Variants in DRC1 observed in about 807,000 individuals in gnomAD.
DRC1 encodes dynein regulatory complex subunit 1, also known as dynein regulatory complex protein 1.
A neutral mutation model predicts 98.7 loss-of-function variants in DRC1; 74 were observed. The ratio of observed to expected loss-of-function variants is 0.75; its 90% CI spans 0.62 to 0.91. DRC1 has a LOEUF of 0.91. Among genes scored for constraint, DRC1 ranks in the 40% least tolerant of loss-of-function variants. The pLI is 0.00. For synonymous variants in DRC1, 336 were observed against 334.1 expected (o/e 1.01, Z -0.06); for missense variants, 875 against 886.0 (o/e 0.99, Z 0.16).
Position 26,456,634 on chromosome 2 carries a change from T to G in DRC1, c.*117T>G. 8.2e-7 allele frequency: 1 copy of G among 1,225,814 alleles called. No individual in the cohort carries two copies. 75.9% of individuals were successfully genotyped at this position (1,225,814 alleles called of 1,614,324 possible). On this transcript the variant is annotated 3_prime_UTR_variant, in exon 17 of 17. Coordinates refer to ENST00000288710, the MANE Select transcript of DRC1 (RefSeq NM_145038.5). ...GCCTGCTCTCTGGATTTTCCAGGGC[T>G]GTCTTTATAGCCTGTCGAAATAAGG... is the stretch of plus-strand genomic sequence containing the variant.
rs192711650 is a variant in DRC1 at position 26,424,011 on chromosome 2, C to T, written c.357-260C>T. ...ATCTTGGTGTGTGTGCGTGTGCACG[C>T]GTGTGTATGTGTGTGTGTGTGTAGC... On this transcript the variant is annotated intron_variant, in intron 3 of 16. Coordinates refer to ENST00000288710, the MANE Select transcript of DRC1 (RefSeq NM_145038.5). Among the ~76,000 whole-genome samples the T allele has an allele frequency of 0.015, 2,207 of 152,036 alleles. 47 individuals are homozygous for T. The highest frequency in any genetic ancestry group is 0.048 in the African/African-American group (1,995 of 41,486).
intron 6 of DRC1, among the ~76,000 whole-genome samples, chr2:26,431,328 G>A (rs1287624108): frequency 2.6e-5 from 4 of 152,288 alleles, no homozygotes; most frequent in South Asian, 4.1e-4. Context: ...TAGCTAATCC[G>A]TGTGGCCTTG....
In DRC1 at chr2:26,450,629, T is replaced by C; in HGVS notation, c.1637T>C (p.Leu546Pro). 6.2e-7 allele frequency: 1 copy of C among 1,612,082 alleles called. No homozygotes were observed. Among genetic ancestry groups the C allele is most frequent in the Non-Finnish European group, 8.5e-7 (1 of 1,179,050 alleles). ...GIESEDDLYK[L>P]VNFFLKYRAH... ...GAAAGTGAGGATGACTTGTATAAAC[T>C]GGTGAACTTCTTCCTTAAATATCGA... The change falls in exon 13 of 17, where the codon CTG becomes CCG. Residue 546 changes from leucine to proline, a missense_variant. Physicochemically the swap from Leu to Pro is moderately conservative, Grantham distance 98. Coordinates refer to ENST00000288710, the MANE Select transcript of DRC1 (RefSeq NM_145038.5).
chr2:26,402,205 C>T (rs1678268881), intron 1 of DRC1, 61 bp downstream of exon 1: 2 of 1,487,364 alleles, frequency 1.3e-6, no homozygotes, highest in Non-Finnish European at 1.8e-6. Context: ...GGGCTGGTTT[C>T]CTGATGAAAT....
intron 2 of DRC1, among the ~76,000 whole-genome samples, chr2:26,420,865 A>G (rs1209296941): frequency 6.6e-6 from 1 of 150,990 alleles, no homozygotes; most frequent in Non-Finnish European, 1.5e-5. Flanking sequence ...CCAGGTTCAA[A>G]TGATTCTCCT....
At chr2:26,418,217 G>A (rs1678878328) in intron 2 of DRC1, among the ~76,000 whole-genome samples, 1 of 151,866 alleles carries the variant, frequency 6.6e-6, no homozygotes, top group Non-Finnish European at 1.5e-5. Flanking sequence ...CAACCTATAT[G>A]TGCCTCTTCC....
chr2:26,412,606 A>G (rs1353392287), intron 1 of DRC1, among the ~76,000 whole-genome samples: 1 of 152,126 alleles, frequency 6.6e-6, no homozygotes, highest in East Asian at 1.9e-4. Flanking sequence ...TTTCTGATTC[A>G]CACACACAGA....
At chr2:26,450,556 G>A (rs200156352) in intron 12 of DRC1, 36 bp from the exon 13 acceptor site, 1 of 1,596,002 alleles carries the variant, frequency 6.3e-7, no homozygotes, top group East Asian at 2.3e-5. Context: ...GCCTCTTGAT[G>A]GGGTGTTTGA....
rs545101978 is a variant in DRC1 at position 26,439,410 on chromosome 2, G to C, written c.889-968G>C. Among the ~76,000 whole-genome samples the C allele has an allele frequency of 2.0e-5, 3 of 152,258 alleles. No homozygotes were observed. In the South Asian group the frequency reaches 6.2e-4, roughly 32 times the overall value. ...ATCTGCCTCTGTTCTAGACAGGTCA[G>C]AACTATGCCTTTCTCACTAGTGTTT... On this transcript the variant is annotated intron_variant, in intron 7 of 16. Coordinates refer to ENST00000288710, the MANE Select transcript of DRC1 (RefSeq NM_145038.5).
Position 26,455,187 on chromosome 2 carries a change from AG to A in DRC1, c.2121del (p.Asn708ThrfsTer12), listed in dbSNP as rs1478679884. 6.2e-7 allele frequency: 1 copy of A among 1,614,134 alleles called. No homozygotes were observed. The highest frequency in any genetic ancestry group is 1.7e-5 in the Admixed American group (1 of 60,026). On this transcript the variant is annotated frameshift_variant, in exon 16 of 17. Coordinates refer to ENST00000288710, the MANE Select transcript of DRC1 (RefSeq NM_145038.5). LOFTEE classifies it high-confidence loss of function. ...LLLENSSLEQQNTELQALLQQ... is the reference protein window; with the variant it reads ...LLLENSSLEQXNTELQALLQQ... ...CTGGAAAACAGTTCTCTGGAGCAGC[AG>A]AACACAGAGCTGCAGGCGCTACTGC... is the stretch of plus-strand genomic sequence containing the variant.
chr2:26,430,948 C>A, intron 6 of DRC1, 76 bp downstream of exon 6: 8 of 731,774 alleles, frequency 1.1e-5, no homozygotes, highest in Non-Finnish European at 1.4e-5. Flanking sequence ...GCTAGCTAGC[C>A]TTTTTCTATC....
chr2:26,421,994 A>C (rs975565657), intron 3 of DRC1, among the ~76,000 whole-genome samples: 1 of 152,190 alleles, frequency 6.6e-6, no homozygotes, highest in Non-Finnish European at 1.5e-5. Flanking sequence ...ACATGGAAAC[A>C]CCCATAATTC....
chr2:26,440,382 T>C lies in DRC1; in HGVS notation c.893T>C (p.Leu298Pro). 6.2e-7 allele frequency: 1 copy of C among 1,609,474 alleles called. No individual in the cohort carries two copies. The highest frequency in any genetic ancestry group is 8.5e-7 in the Non-Finnish European group (1 of 1,178,476). Residue 298 changes from leucine (L) to proline (P), a missense_variant, in exon 8 of 17, where the codon CTT becomes CCT. Transcript: ENST00000288710. ...ATATAGTTTTTTTAACTTTAGATTC[T>C]TGAGCAGCAGCTTCAGCAGAGGAAA... ...KIKLEQDVQI[L>P]EQQLQQRKAI...
intron 4 of DRC1, among the ~76,000 whole-genome samples, chr2:26,428,614 C>A (rs555877383): frequency 2.8e-4 from 43 of 152,088 alleles, no homozygotes; most frequent in Non-Finnish European, 5.0e-4. Flanking sequence ...CTGGCTAACA[C>A]GGTGAAACCC....
chr2:26,444,661 G>A, intron 9 of DRC1, 55 bp from the exon 10 acceptor site: 1 of 1,523,922 alleles, frequency 6.6e-7, no homozygotes, highest in African/African-American at 1.4e-5. Flanking sequence ...TATTTGAGGG[G>A]ACCCTGGCCA....
intron 13 of DRC1, among the ~76,000 whole-genome samples, chr2:26,452,288 C>T (rs10182612): frequency 0.063 from 9,629 of 152,186 alleles, 752 homozygotes; most frequent in African/African-American, 0.18. Context: ...CAGAGTCTCA[C>T]TCTGTTGCCC....
rs749079306 is a variant in DRC1, at chr2:26,430,811, A to G, written c.704A>G (p.Glu235Gly). ...IEKAFEVERQ[E>G]LLASNKKKWE... is the part of the protein sequence containing the mutation. ...AAAGCATTTGAGGTGGAACGCCAAG[A>G]GCTACTGGCCAGTAATAAGAAGAAA... Residue 235 changes from glutamate to glycine, a missense_variant, in exon 6 of 17, where the codon GAG becomes GGG. Transcript: ENST00000288710. The G allele has an allele frequency of 9.3e-6, 15 of 1,614,052 alleles. No homozygotes were observed. Among genetic ancestry groups the G allele is most frequent in the Non-Finnish European group, 1.3e-5 (15 of 1,180,022 alleles).
chr2:26,439,807 G>C (rs533185835), intron 7 of DRC1, among the ~76,000 whole-genome samples: 1 of 150,924 alleles, frequency 6.6e-6, no homozygotes, highest in African/African-American at 2.4e-5. Flanking sequence ...CCTTTAACTT[G>C]ACTCTCATGA....
intron 7 of DRC1, among the ~76,000 whole-genome samples, chr2:26,436,097 T>C: frequency 6.6e-6 from 1 of 152,154 alleles, no homozygotes; most frequent in East Asian, 1.9e-4. Context: ...CATTCCTTTT[T>C]CTCTGCAACC....
Sources: allele counts gnomAD v4.1 joint callset (sites outside exome capture counted in the v4.1 genomes callset), GRCh38; gene constraint gnomAD v4.1.1; transcripts MANE v1.5; gene names NCBI Gene and HGNC (gene_info 2026-07-23, HGNC 2026-07-21).